DNER: variants seen among roughly 807,000 people sequenced by gnomAD.
DNER encodes delta/notch like EGF repeat containing, also known as delta and Notch-like epidermal growth factor-related receptor.
A neutral mutation model predicts 78.2 loss-of-function variants in DNER; 33 were observed. The observed-to-expected ratio is 0.42, with a 90% confidence interval of 0.32 to 0.56. The LOEUF (loss-of-function observed/expected upper bound fraction) is 0.56. DNER is among the 20% of genes least tolerant of loss of function. The pLI is 0.11. For synonymous variants in DNER, 417 were observed against 384.8 expected (o/e 1.08, Z -0.98); for missense variants, 918 against 975.3 (o/e 0.94, Z 0.78).
At chr2:229,456,766 G>T (rs1399376727) in intron 7 of DNER, among the ~76,000 whole-genome samples, 1 of 152,016 alleles carries the variant, frequency 6.6e-6, no homozygotes, top group Non-Finnish European at 1.5e-5. Context: ...CCACACAGAT[G>T]ATGACCGAGT....
intron 3 of DNER, among the ~76,000 whole-genome samples, chr2:229,586,508 TAAAAAAAAAAAAAAAAAAAAAAAAAAAAA>T (rs555047737): frequency 2.2e-4 from 3 of 13,484 alleles, no homozygotes; most frequent in African/African-American, 5.4e-4. Flanking sequence ...TCATTTTTGG[TAAAAAAAAAAAAAAAAAAAAAAAAAAAAA>T]AAAAAAAAAA....
chr2:229,684,174 G>C (rs1247894358), intron 1 of DNER, among the ~76,000 whole-genome samples: 2 of 123,546 alleles, frequency 1.6e-5, no homozygotes, highest in African/African-American at 3.6e-5. Context: ...GAGAGAGTGT[G>C]TGTGTGTGTG....
chr2:229,367,049 G>C lies in DNER; in HGVS notation c.1926C>G (p.Ile642Met). 1 of 1,614,122 alleles carries C rather than the reference G, an allele frequency of 6.2e-7. No individual in the cohort carries two copies. The highest frequency in any genetic ancestry group is 1.1e-5 in the South Asian group (1 of 91,056). The change falls in exon 12 of 13, where the codon ATC becomes ATG. Residue 642 changes from isoleucine (I) to methionine (M), a missense_variant. Physicochemically the swap from Ile to Met is conservative, Grantham distance 10 (BLOSUM62 1). Coordinates refer to ENST00000341772, the MANE Select transcript of DNER (RefSeq NM_139072.4). ...TGAAGGCCACGCAGAGGGCTCCAAT[G>C]ATGATGTAGAGGGAGTGCCGTGGCA... Reference protein sequence around the residue: ...TNMPRHSLYIIIGALCVAFIL... With the variant: ...TNMPRHSLYIMIGALCVAFIL...
chr2:229,476,963 A>C (rs1342182101), intron 7 of DNER, among the ~76,000 whole-genome samples, 177 bp downstream of exon 7: 1 of 144,186 alleles, frequency 6.9e-6, no homozygotes. Context: ...AATAATTTTC[A>C]AGCTATGCTA....
intron 1 of DNER, 143 bp from the exon 2 acceptor site, chr2:229,592,031 T>C: frequency 8.6e-7 from 1 of 1,157,310 alleles, no homozygotes; most frequent in Non-Finnish European, 1.2e-6. Context: ...ACTTGTGCTG[T>C]TGTGGGGTGG....
chr2:229,508,842 C>T (rs1221728350), intron 6 of DNER, among the ~76,000 whole-genome samples: 2 of 151,912 alleles, frequency 1.3e-5, no homozygotes, highest in African/African-American at 4.8e-5. Context: ...GATCGCACCA[C>T]TGCCCTCCAG....
intron 1 of DNER, among the ~76,000 whole-genome samples, chr2:229,614,019 C>A (rs1698102187): frequency 1.4e-5 from 2 of 139,930 alleles, no homozygotes; most frequent in Admixed American, 1.4e-4. Context: ...CACTCCGGGG[C>A]CTGTTGTGGG....
chr2:229,553,693 C>G (rs1277853746), intron 4 of DNER, among the ~76,000 whole-genome samples: 2 of 152,182 alleles, frequency 1.3e-5, no homozygotes, highest in African/African-American at 4.8e-5. Context: ...GCAGGTTCCT[C>G]CGTACTTCAA....
intron 7 of DNER, among the ~76,000 whole-genome samples, chr2:229,472,935 A>G (rs1434034614): frequency 1.3e-5 from 2 of 152,216 alleles, no homozygotes; most frequent in Admixed American, 1.3e-4. Context: ...GAGCGCAGCT[A>G]TGAAGGTGAC....
intron 1 of DNER, among the ~76,000 whole-genome samples, chr2:229,642,581 C>A (rs1698645760): frequency 6.6e-6 from 1 of 152,206 alleles, no homozygotes; most frequent in South Asian, 2.1e-4. Flanking sequence ...CAGAGAGGAA[C>A]AAGAGAAGCC....
chr2:229,385,933 C>T (rs953774564), intron 11 of DNER, among the ~76,000 whole-genome samples: 14 of 151,988 alleles, frequency 9.2e-5, no homozygotes, highest in Non-Finnish European at 1.6e-4. Flanking sequence ...CCCCACCGAG[C>T]TACCACTGAC....
intron 7 of DNER, among the ~76,000 whole-genome samples, chr2:229,448,174 C>A (rs944832396): frequency 6.6e-6 from 1 of 151,718 alleles, no homozygotes; most frequent in Admixed American, 6.6e-5. Flanking sequence ...CAATGAAATA[C>A]CACTCAGCAA....
intron 5 of DNER, among the ~76,000 whole-genome samples, chr2:229,517,842 C>T (rs1696011407): frequency 6.6e-6 from 1 of 152,178 alleles, no homozygotes; most frequent in African/African-American, 2.4e-5. Flanking sequence ...AGAAACTATC[C>T]AGTCCCAAAT....
chr2:229,609,559 A>G (rs1376539846), intron 1 of DNER, among the ~76,000 whole-genome samples: 2 of 152,202 alleles, frequency 1.3e-5, no homozygotes, highest in Non-Finnish European at 2.9e-5. Context: ...AACGGTTGCC[A>G]CAGAGACCTT....
chr2:229,668,976 C>T (rs547492852), intron 1 of DNER, among the ~76,000 whole-genome samples: 43 of 152,164 alleles, frequency 2.8e-4, no homozygotes, highest in Non-Finnish European at 5.3e-4. Context: ...AGACCAAATG[C>T]TCATCAATGA....
intron 2 of DNER, among the ~76,000 whole-genome samples, chr2:229,590,646 C>T (rs1450036121): frequency 2.0e-5 from 3 of 152,176 alleles, no homozygotes; most frequent in Non-Finnish European, 4.4e-5. Flanking sequence ...CCTGAAAGAG[C>T]TCCATAGCGC....
chr2:229,700,294 G>GCATGTGTA (rs56017523), intron 1 of DNER, among the ~76,000 whole-genome samples: 1 of 125,744 alleles, frequency 8.0e-6, no homozygotes, highest in Non-Finnish European at 1.6e-5. Flanking sequence ...ATGTGTGTGT[G>GCATGTGTA]TGTGTGTGTG....
intron 11 of DNER, among the ~76,000 whole-genome samples, chr2:229,371,548 G>A (rs1202040766): frequency 6.6e-6 from 1 of 152,202 alleles, no homozygotes; most frequent in African/African-American, 2.4e-5. Flanking sequence ...TTTCCAAAGT[G>A]CTTTTGCATT....
chr2:229,432,934 T>A (rs1694041900), intron 8 of DNER, among the ~76,000 whole-genome samples: 1 of 152,076 alleles, frequency 6.6e-6, no homozygotes. Flanking sequence ...TGTGTTTTGT[T>A]GTTGTTGTTG....
Sources: gnomAD v4.1 joint callset for allele counts (sites outside exome capture counted in the v4.1 genomes callset) on GRCh38, gnomAD v4.1.1 for gene constraint, MANE v1.5 for transcripts, NCBI Gene and HGNC (gene_info 2026-07-23, HGNC 2026-07-21) for gene names.